The following FRMD4A variants were observed in gnomAD, a reference collection of about 807,000 sequenced individuals.
FRMD4A encodes FERM domain containing 4A.
In FRMD4A, 29 loss-of-function variants were observed where a neutral mutation model predicts 129.1. That is an observed-to-expected ratio of 0.22 (90% CI 0.17 to 0.31). FRMD4A has a LOEUF of 0.31. Ranked by LOEUF, FRMD4A falls within the 10% of genes least tolerant of loss-of-function variation. The pLI is 1.00. For missense variants in FRMD4A, 1,272 were observed against 1,375.8 expected (o/e 0.92, Z 1.19); for synonymous variants, 634 against 571.6 (o/e 1.11, Z -1.56).
chr10:13,867,205 C>A (rs2094378224), intron 2 of FRMD4A, among the ~76,000 whole-genome samples: 1 of 152,100 alleles, frequency 6.6e-6, no homozygotes, highest in South Asian at 2.1e-4. Context: ...TATGGGTATC[C>A]AATAGCGTTA....
At chr10:13,765,795 A>G (rs923701696) in intron 6 of FRMD4A, among the ~76,000 whole-genome samples, 2 of 152,228 alleles carry the variant, frequency 1.3e-5, no homozygotes, top group Non-Finnish European at 2.9e-5. Context: ...ATGGCTTCAC[A>G]GAAACACTGT....
At chr10:14,184,652 C>T (rs1190624229) in intron 2 of FRMD4A, among the ~76,000 whole-genome samples, 1 of 152,120 alleles carries the variant, frequency 6.6e-6, no homozygotes, top group Admixed American at 6.5e-5. Context: ...CAGAAGCACA[C>T]GTCCAGGCCG....
intron 2 of FRMD4A, among the ~76,000 whole-genome samples, chr10:14,236,995 CAAAAAAAAAAAAA>C (rs71477244): frequency 4.8e-4 from 36 of 75,396 alleles, no homozygotes; most frequent in Middle Eastern, 8.5e-3. Context: ...AACAGGTCAG[CAAAAAAAAAAAAA>C]AAAAAAAAAA....
At chr10:14,141,887 G>A (rs1220021364) in intron 2 of FRMD4A, among the ~76,000 whole-genome samples, 1 of 152,034 alleles carries the variant, frequency 6.6e-6, no homozygotes, top group Non-Finnish European at 1.5e-5. Context: ...TGTATCTTTG[G>A]CTCCTCTGAT....
chr10:14,059,020 C>CA lies in FRMD4A; in HGVS notation c.46-200109dup, dbSNP rs143385808. 8.1e-3 allele frequency among the ~76,000 whole-genome samples: 1,210 copies of CA among 149,436 alleles called. 57 individuals are homozygous for CA. In the East Asian group the frequency reaches 0.13, roughly 16 times the overall value. Reference sequence around the variant, plus strand: ...CATTTGGATATAACTGAGGAGAAAACAAAAAAAAATGCAAAGCATACCTTC... The same window carrying CA: ...CATTTGGATATAACTGAGGAGAAAACAAAAAAAAAATGCAAAGCATACCTTC... On this transcript the variant is annotated intron_variant, in intron 2 of 24. Transcript: ENST00000357447.
At chr10:13,968,250 T>C (rs1188964464) in intron 2 of FRMD4A, among the ~76,000 whole-genome samples, 1 of 152,170 alleles carries the variant, frequency 6.6e-6, no homozygotes, top group African/African-American at 2.4e-5. Flanking sequence ...CTAGGTGAAC[T>C]CATCCAGAGC....
At chr10:13,893,386 A>G (rs568235950) in intron 2 of FRMD4A, among the ~76,000 whole-genome samples, 1 of 152,122 alleles carries the variant, frequency 6.6e-6, no homozygotes, top group Non-Finnish European at 1.5e-5. Context: ...TTGATAATGC[A>G]ATTGGAGCCC....
At chr10:13,740,722 T>A in intron 9 of FRMD4A, 145 bp from the exon 10 acceptor site, 1 of 576,982 alleles carries the variant, frequency 1.7e-6, no homozygotes, top group Non-Finnish European at 3.0e-6. Flanking sequence ...CCTGGAGTGG[T>A]ATTTCCAAAC....
At chr10:13,665,620 T>C (rs7099548) in intron 18 of FRMD4A, among the ~76,000 whole-genome samples, 7,416 of 152,188 alleles carry the variant, frequency 0.049, 509 homozygotes, top group African/African-American at 0.15. Context: ...CTCCCCAAGC[T>C]TCAGCTCTTG....
At chr10:14,097,251 T>A (rs1837028877) in intron 2 of FRMD4A, 1 of 147,954 alleles carries the variant, frequency 6.8e-6, no homozygotes, top group Non-Finnish European at 1.5e-5. Context: ...ATTTTAGAAA[T>A]AGAATTTTTG....
At chr10:13,649,303 T>A (rs1415147486) in intron 24 of FRMD4A, 1 of 152,228 alleles carries the variant, frequency 6.6e-6, no homozygotes, top group African/African-American at 2.4e-5. Context: ...AGGCAGTAGA[T>A]GAGGTTAAGG....
intron 5 of FRMD4A, among the ~76,000 whole-genome samples, chr10:13,783,853 G>T (rs2092793854): frequency 6.6e-6 from 1 of 152,166 alleles, no homozygotes; most frequent in Non-Finnish European, 1.5e-5. Context: ...TCTAGATGGA[G>T]CTTATAGATA....
At chr10:13,975,133 A>T (rs900115317) in intron 2 of FRMD4A, among the ~76,000 whole-genome samples, 2 of 146,402 alleles carry the variant, frequency 1.4e-5, no homozygotes, top group Admixed American at 6.8e-5. Context: ...CTATGTATGT[A>T]CCTGTGTGTG....
chr10:13,688,539 T>C (rs2085327675), intron 15 of FRMD4A, among the ~76,000 whole-genome samples: 1 of 151,908 alleles, frequency 6.6e-6, no homozygotes, highest in Non-Finnish European at 1.5e-5. Flanking sequence ...AAACTTAAAG[T>C]ATAATAATAA....
chr10:13,665,497 A>G (rs922084876), intron 18 of FRMD4A, among the ~76,000 whole-genome samples: 17 of 152,204 alleles, frequency 1.1e-4, no homozygotes, highest in African/African-American at 3.6e-4. Context: ...AGGGGACTTG[A>G]TGCTTTGTGG....
At chr10:13,704,375 C>T (rs1009088983) in intron 13 of FRMD4A, among the ~76,000 whole-genome samples, 3 of 152,312 alleles carry the variant, frequency 2.0e-5, no homozygotes, top group East Asian at 3.9e-4. Context: ...GCGAGTTTGC[C>T]TGGGACGAGA....
chr10:14,232,057 C>T (rs1369443984), intron 2 of FRMD4A, among the ~76,000 whole-genome samples: 8 of 151,974 alleles, frequency 5.3e-5, no homozygotes, highest in Non-Finnish European at 1.2e-4. Context: ...ATTTTTTTAG[C>T]TTTAGGTTTT....
At chr10:13,709,258 C>T (rs2087773965) in intron 12 of FRMD4A, among the ~76,000 whole-genome samples, 1 of 152,214 alleles carries the variant, frequency 6.6e-6, no homozygotes, top group Non-Finnish European at 1.5e-5. Context: ...GCCACCGCAC[C>T]CAACTCAGGC....
At chr10:14,190,881 C>A (rs888299960) in intron 2 of FRMD4A, among the ~76,000 whole-genome samples, 1 of 152,092 alleles carries the variant, frequency 6.6e-6, no homozygotes. Context: ...CTTGGGCATG[C>A]GCAGTTATCT....
Sources: gnomAD v4.1 joint callset for allele counts (sites outside exome capture counted in the v4.1 genomes callset) on GRCh38, gnomAD v4.1.1 for gene constraint, MANE v1.5 for transcripts, NCBI Gene and HGNC (gene_info 2026-07-23, HGNC 2026-07-21) for gene names.